Variants in LILRB1 observed in about 807,000 individuals in gnomAD.
LILRB1 encodes leukocyte immunoglobulin-like receptor subfamily B member 1.
A neutral mutation model predicts 74.6 loss-of-function variants in LILRB1; 59 were observed. That is an observed-to-expected ratio of 0.79 (90% CI 0.64 to 0.98). The LOEUF (loss-of-function observed/expected upper bound fraction) is 0.98, where lower values mean the gene tolerates loss of function less well. LILRB1 is among the 50% of genes least tolerant of loss of function. LILRB1 has a pLI of 0.00. For synonymous variants in LILRB1, 328 were observed against 333.9 expected, an observed-to-expected ratio of 0.98 and a Z score of 0.19; for missense variants, 804 against 822.6, an observed-to-expected ratio of 0.98 and a Z score of 0.28.
chr19:54,632,125 C>T lies in LILRB1; in HGVS notation c.549C>T (p.Ser183=), dbSNP rs189680206. ...GTGGGTCGTCCCGCGCCATCTTCTC[C>T]GTGGGCCCCGTGAGCCCGAGTCGCA... ...HARGSSRAIF[S]VGPVSPSRRW... The change falls in exon 5 of 15, where the codon TCC becomes TCT. Residue 183 remains serine, a synonymous_variant. Transcript: ENST00000324602. 1.1e-4 allele frequency: 170 copies of T among 1,614,234 alleles called. No homozygotes were observed. Among genetic ancestry groups the T allele is most frequent in the East Asian group, 8.2e-4 (37 of 44,880 alleles).
chr19:54,625,445 C>T (rs1222799782), upstream of LILRB1, among the ~76,000 whole-genome samples: 2 of 152,128 alleles, frequency 1.3e-5, no homozygotes, highest in Non-Finnish European at 2.9e-5. Flanking sequence ...ACGTGGGCTC[C>T]AGAGGCGCCT....
At chr19:54,624,021 G>A (rs1244663607) in intron 1 of LILRB1, among the ~76,000 whole-genome samples, 1 of 152,144 alleles carries the variant, frequency 6.6e-6, no homozygotes, top group East Asian at 1.9e-4. Flanking sequence ...ACAAGCAGGT[G>A]GATATGGACC....
chr19:54,626,581 A>G (rs1483814151), upstream of LILRB1, among the ~76,000 whole-genome samples: 6 of 149,794 alleles, frequency 4.0e-5, no homozygotes, highest in Non-Finnish European at 5.9e-5. Flanking sequence ...CACCAATACT[A>G]TGCTCATCAT....
At chr19:54,629,183 G>C (rs1376713544), upstream of LILRB1, among the ~76,000 whole-genome samples, 2 of 152,134 alleles carry the variant, frequency 1.3e-5, no homozygotes, top group African/African-American at 4.8e-5. Flanking sequence ...TGCAAGACTT[G>C]TGTATATGAA....
In LILRB1 at chr19:54,635,241, C is replaced by A; in HGVS notation, c.1563-18C>A. ...CGTGGCCCATACACTGCCCCTAAAG[C>A]TCCCATTCTTCCCCCAGGTCCAGCC... On this transcript the variant is annotated intron_variant, in intron 11 of 14. Transcript: ENST00000324602. 1.2e-6 allele frequency: 2 copies of A among 1,612,290 alleles called. No individual in the cohort carries two copies.
At chr19:54,626,730 T>C (rs1227109816), upstream of LILRB1, among the ~76,000 whole-genome samples, 3 of 152,232 alleles carry the variant, frequency 2.0e-5, no homozygotes, top group African/African-American at 7.2e-5. Flanking sequence ...TTTTTATTTC[T>C]CTTGGGTGGG....
intron 7 of LILRB1, 131 bp from the exon 8 acceptor site, chr19:54,633,507 A>G (rs2064102399): frequency 1.7e-6 from 2 of 1,197,592 alleles, no homozygotes; most frequent in Non-Finnish European, 2.3e-6. Flanking sequence ...CATCGCCAGC[A>G]TCATGGACAG....
chr19:54,631,353 C>A (rs751176848), intron 3 of LILRB1, 47 bp downstream of exon 3: 3 of 1,613,548 alleles, frequency 1.9e-6, no homozygotes, highest in Admixed American at 3.3e-5. Flanking sequence ...TCACTGGGGA[C>A]AAGGGGCCAC....
rs371032880 is a variant in LILRB1, at chr19:54,635,548, C to T, written c.1601-9C>T. ...CCCAAGAGACAAACCCCTTGCTCTG[C>T]CCCAGCAGATGCTGCCGTGAAGCAC... On this transcript the variant is annotated splice_polypyrimidine_tract_variant and intron_variant, in intron 12 of 14. Coordinates refer to ENST00000324602, the MANE Select transcript of LILRB1 (RefSeq NM_001081637.3). 139 of 1,611,034 alleles carry T rather than the reference C, an allele frequency of 8.6e-5. No homozygotes were observed. The highest frequency in any genetic ancestry group is 1.2e-4 in the Non-Finnish European group (137 of 1,178,458).
In LILRB1 at chr19:54,634,651, G is replaced by A. The variant is rs769841083; in HGVS notation, c.1374G>A (p.Arg458=). ...ATCATCGTGCTCAAGGTCTGGGAAG[G>A]CACCTGGGGGTTGTGATCGGCATCT... ...TGSDPQSGLG[R]HLGVVIGILV... The change falls in exon 10 of 15, where the codon AGG becomes AGA. Residue 458 remains arginine (R), a synonymous_variant. Transcript: ENST00000324602. The A allele has an allele frequency of 3.1e-6, 5 of 1,613,262 alleles. No individual in the cohort carries two copies. Among genetic ancestry groups the A allele is most frequent in the East Asian group, 2.2e-5 (1 of 44,878 alleles).
chr19:54,617,581 GT>G (rs1468955702), intron 1 of LILRB1, among the ~76,000 whole-genome samples: 25 of 151,086 alleles, frequency 1.7e-4, no homozygotes, highest in Admixed American at 5.9e-4. Flanking sequence ...GTGTGTGTGT[GT>G]GTGTGTGGTG....
intron 1 of LILRB1, among the ~76,000 whole-genome samples, chr19:54,621,338 G>A (rs988751147): frequency 1.3e-5 from 2 of 152,178 alleles, no homozygotes; most frequent in African/African-American, 4.8e-5. Flanking sequence ...GCTAACATCT[G>A]TTGGTTCTGA....
chr19:54,620,362 A>AT (rs906647739), intron 1 of LILRB1, among the ~76,000 whole-genome samples: 60 of 150,276 alleles, frequency 4.0e-4, no homozygotes, highest in Admixed American at 2.1e-3. Flanking sequence ...CAAATTCTTA[A>AT]TTTTTTTTTT....
intron 9 of LILRB1, chr19:54,634,413 T>G: frequency 6.7e-7 from 1 of 1,491,462 alleles, no homozygotes; most frequent in South Asian, 1.2e-5. Flanking sequence ...GTCAGACTCC[T>G]GGGCTTCCTT....
At chr19:54,622,835 A>G (rs921470753) in intron 1 of LILRB1, among the ~76,000 whole-genome samples, 2 of 152,068 alleles carry the variant, frequency 1.3e-5, no homozygotes, top group African/African-American at 2.4e-5. Flanking sequence ...ATTTTGGGGT[A>G]TGTTTCTTTC....
upstream of LILRB1, among the ~76,000 whole-genome samples, chr19:54,626,034 T>G (rs2146198931): frequency 6.6e-6 from 1 of 152,350 alleles, no homozygotes; most frequent in East Asian, 1.9e-4. Context: ...TTCCATGTCC[T>G]CATGTTTCTC....
chr19:54,633,287 C>A lies in LILRB1; in HGVS notation c.1230C>A (p.His410Gln), dbSNP rs780528827. 5.6e-6 allele frequency: 9 copies of A among 1,614,080 alleles called. No homozygotes were observed. The highest frequency in any genetic ancestry group is 1.7e-5 in the Admixed American group (1 of 60,030). Residue 410 changes from histidine (H) to glutamine (Q), a missense_variant, in exon 7 of 15, where the codon CAC becomes CAA. By Grantham distance (24) the His-to-Gln change is conservative. Transcript: ENST00000324602. ...GCTCCAAACCCTACCTGCTGACTCA[C>A]CCCAGTGACCCCCTGGAGCTCGTGG... ...SQSSKPYLLT[H>Q]PSDPLELVVS...
At chr19:54,616,894 A>G (rs932890413), upstream of LILRB1, among the ~76,000 whole-genome samples, 5 of 152,164 alleles carry the variant, frequency 3.3e-5, no homozygotes, top group African/African-American at 1.2e-4. Flanking sequence ...GATGGACCCC[A>G]TCGTGATGTG....
At position 54,633,177 on chromosome 19, in the gene LILRB1, C is replaced by T. The variant is rs1478686108; in HGVS notation, c.1120C>T (p.Gln374Ter). 1.2e-6 allele frequency: 2 copies of T among 1,614,058 alleles called. No individual in the cohort carries two copies. Among genetic ancestry groups the T allele is most frequent in the East Asian group, 2.2e-5 (1 of 44,886 alleles). Reference protein sequence around the residue: ...DDPWRLRSTYQSQKYQAEFPM... With the variant: ...DDPWRLRSTY ...CCCATGGCGTCTAAGATCAACGTAC[C>T]AATCTCAAAAATACCAGGCTGAATT... is the stretch of plus-strand genomic sequence containing the variant. Residue 374 changes from glutamine to a stop codon, truncating the protein, a stop_gained, in exon 7 of 15, where the codon CAA (glutamine) becomes TAA (stop). Coordinates refer to ENST00000324602, the MANE Select transcript of LILRB1 (RefSeq NM_001081637.3). LOFTEE classifies it high-confidence loss of function.
Sources: gnomAD v4.1 joint callset for allele counts (sites outside exome capture counted in the v4.1 genomes callset) on GRCh38, gnomAD v4.1.1 for gene constraint, MANE v1.5 for transcripts, NCBI Gene and HGNC (gene_info 2026-07-23, HGNC 2026-07-21) for gene names.